CHN1: variants seen among roughly 807,000 people sequenced by gnomAD.
The protein encoded by CHN1 is N-chimaerin.
In CHN1, 37 loss-of-function variants were observed where a neutral mutation model predicts 59.5. That is an observed-to-expected ratio of 0.62 (90% CI 0.48 to 0.82). The LOEUF is 0.82. Ranked by LOEUF, CHN1 falls within the 40% of genes least tolerant of loss-of-function variation. CHN1 has a pLI of 0.00. For synonymous variants in CHN1, 206 were observed against 200.4 expected (o/e 1.03, Z -0.24); for missense variants, 469 against 571.0 (o/e 0.82, Z 1.82).
At chr2:174,973,919 G>A (rs1356432574) in intron 1 of CHN1, among the ~76,000 whole-genome samples, 1 of 152,164 alleles carries the variant, frequency 6.6e-6, no homozygotes, top group Non-Finnish European at 1.5e-5. Context: ...TAACTAGAAA[G>A]CTATATGAAG....
intron 6 of CHN1, among the ~76,000 whole-genome samples, chr2:174,865,252 C>T (rs571435984): frequency 1.3e-5 from 2 of 152,240 alleles, no homozygotes; most frequent in East Asian, 3.9e-4. Flanking sequence ...CTGAACCATG[C>T]TTCAACTTCC....
At chr2:174,882,657 A>G (rs1687771879) in intron 5 of CHN1, among the ~76,000 whole-genome samples, 1 of 152,224 alleles carries the variant, frequency 6.6e-6, no homozygotes, top group African/African-American at 2.4e-5. Context: ...CTAAGCTTAC[A>G]ATAAAATGTT....
At chr2:174,898,481 G>GT (rs1032334558) in intron 5 of CHN1, among the ~76,000 whole-genome samples, 1 of 150,824 alleles carries the variant, frequency 6.6e-6, no homozygotes, top group African/African-American at 2.4e-5. Flanking sequence ...GCGCACACCT[G>GT]TAGTCCCAGC....
At chr2:174,987,392 T>A (rs1691383835) in intron 1 of CHN1, among the ~76,000 whole-genome samples, 1 of 151,562 alleles carries the variant, frequency 6.6e-6, no homozygotes, top group South Asian at 2.1e-4. Flanking sequence ...CTCTTGGTCA[T>A]AATACTCTTT....
intron 11 of CHN1, among the ~76,000 whole-genome samples, chr2:174,805,487 G>C (rs976014093): frequency 1.3e-5 from 2 of 152,236 alleles, no homozygotes; most frequent in East Asian, 1.9e-4. Flanking sequence ...CTTTAAAAGG[G>C]ATTCCGGTGA....
At chr2:174,882,567 G>C (rs1484684448) in intron 5 of CHN1, among the ~76,000 whole-genome samples, 4 of 152,124 alleles carry the variant, frequency 2.6e-5, no homozygotes, top group African/African-American at 9.7e-5. Flanking sequence ...GATTTGAAAG[G>C]ATCTCTTCAA....
At chr2:174,883,909 T>C (rs1471010517) in intron 5 of CHN1, among the ~76,000 whole-genome samples, 1 of 131,966 alleles carries the variant, frequency 7.6e-6, no homozygotes, top group East Asian at 2.2e-4. Flanking sequence ...GACAAAAAGA[T>C]AAAAAAAAGG....
intron 11 of CHN1, among the ~76,000 whole-genome samples, chr2:174,806,450 G>A (rs1223401142): frequency 6.6e-6 from 1 of 152,156 alleles, no homozygotes; most frequent in Non-Finnish European, 1.5e-5. Flanking sequence ...AAATTTTGGA[G>A]AATATATCCG....
chr2:174,935,475 A>C (rs1208214041), intron 3 of CHN1, among the ~76,000 whole-genome samples: 1 of 152,204 alleles, frequency 6.6e-6, no homozygotes, highest in African/African-American at 2.4e-5. Context: ...AAGATATCTC[A>C]TTCATTCATT....
At chr2:174,891,099 C>A (rs1486619595) in intron 5 of CHN1, among the ~76,000 whole-genome samples, 1 of 136,116 alleles carries the variant, frequency 7.3e-6, no homozygotes, top group African/African-American at 2.9e-5. Flanking sequence ...CGAGATAGTG[C>A]CACTGCACTC....
chr2:174,850,666 T>C (rs946427623), intron 6 of CHN1, among the ~76,000 whole-genome samples: 5 of 152,158 alleles, frequency 3.3e-5, no homozygotes, highest in African/African-American at 1.2e-4. Context: ...CTGCTTTAGG[T>C]CTATACCACA....
At chr2:174,980,130 C>T (rs190109902) in intron 1 of CHN1, among the ~76,000 whole-genome samples, 141 of 152,174 alleles carry the variant, frequency 9.3e-4, no homozygotes, top group Admixed American at 6.4e-3. Flanking sequence ...TCTAAGTGAA[C>T]AATAAAAGCT....
chr2:174,928,038 T>C (rs796723164), intron 3 of CHN1, among the ~76,000 whole-genome samples: 6 of 152,266 alleles, frequency 3.9e-5, no homozygotes, highest in African/African-American at 1.2e-4. Flanking sequence ...TCTGGAGAAG[T>C]AGAAGGGGAA....
chr2:174,906,766 A>G (rs1688555181), intron 5 of CHN1, among the ~76,000 whole-genome samples: 1 of 152,184 alleles, frequency 6.6e-6, no homozygotes, highest in Admixed American at 6.5e-5. Flanking sequence ...TTTTTGGTCC[A>G]GGAAAAAAAT....
intron 6 of CHN1, among the ~76,000 whole-genome samples, chr2:174,865,252 C>A (rs571435984): frequency 6.6e-6 from 1 of 152,122 alleles, no homozygotes; most frequent in African/African-American, 2.4e-5. Context: ...CTGAACCATG[C>A]TTCAACTTCC....
At chr2:174,912,617 T>C (rs1218664963) in intron 5 of CHN1, among the ~76,000 whole-genome samples, 4 of 152,210 alleles carry the variant, frequency 2.6e-5, no homozygotes, top group African/African-American at 9.6e-5. Flanking sequence ...GGATTACGTG[T>C]ATGTTAAAAA....
intron 1 of CHN1, among the ~76,000 whole-genome samples, chr2:174,962,864 C>T (rs1574218800): frequency 6.6e-6 from 1 of 152,050 alleles, no homozygotes; most frequent in Non-Finnish European, 1.5e-5. Flanking sequence ...GAGCCAAGAT[C>T]GTGCCACTGC....
At chr2:174,819,753 T>C (rs113103567) in intron 8 of CHN1, among the ~76,000 whole-genome samples, 11,045 of 150,688 alleles carry the variant, frequency 0.073, 1,324 homozygotes, top group African/African-American at 0.26. Context: ...CATGCTGGTG[T>C]GCTGCACCTA....
At chr2:174,994,305 G>A (rs577936026) in intron 1 of CHN1, among the ~76,000 whole-genome samples, 12 of 152,282 alleles carry the variant, frequency 7.9e-5, no homozygotes, top group African/African-American at 2.9e-4. Flanking sequence ...AGGGATGACA[G>A]AATGACACAT....
Sources: gnomAD v4.1 joint callset for allele counts (sites outside exome capture counted in the v4.1 genomes callset) on GRCh38, gnomAD v4.1.1 for gene constraint, MANE v1.5 for transcripts, NCBI Gene and HGNC (gene_info 2026-07-23, HGNC 2026-07-21) for gene names.